The following CAPZB variants were observed in gnomAD, a reference collection of about 807,000 sequenced individuals.
CAPZB encodes F-actin-capping protein subunit beta.
A neutral mutation model predicts 38.1 loss-of-function variants in CAPZB; 2 were observed. The observed-to-expected ratio is 0.05, with a 90% confidence interval of 0.02 to 0.17. The LOEUF (loss-of-function observed/expected upper bound fraction) is 0.17, where lower values mean the gene tolerates loss of function less well. Ranked by LOEUF, CAPZB falls within the 10% of genes least tolerant of loss-of-function variation. The probability of loss-of-function intolerance (pLI) is 1.00; values close to 1 mark genes in which losing one functional copy is unlikely to be tolerated. For missense variants in CAPZB, 161 were observed against 334.2 expected (o/e 0.48, Z 4.04); for synonymous variants, 107 against 127.4 (o/e 0.84, Z 1.08).
At chr1:19,424,823 T>A (rs1471073132) in intron 1 of CAPZB, among the ~76,000 whole-genome samples, 1 of 152,198 alleles carries the variant, frequency 6.6e-6, no homozygotes, top group African/African-American at 2.4e-5. Context: ...AAGACCATCA[T>A]CCTGGATTTG....
rs1258923242 is a variant in CAPZB at position 19,485,483 on chromosome 1, T to TC, written c.-46dup. 6.9e-5 allele frequency: 84 copies of TC among 1,223,888 alleles called. No homozygotes were observed. Among genetic ancestry groups the TC allele is most frequent in the East Asian group, 3.8e-4 (12 of 31,274 alleles). 75.8% of individuals were successfully genotyped at this position (1,223,888 alleles called of 1,614,324 possible). A position where few individuals can be genotyped will look rare whatever the true frequency, so the allele number is the denominator to read the frequency against. ...GTCCCGGTCCCGGCGTCAGTGGCTC[T>TC]CCCCCCCGCAGCAGGGCCCGGCGCT... On this transcript the variant is annotated 5_prime_UTR_variant, in exon 1 of 9. Coordinates refer to ENST00000264202, the MANE Select transcript of CAPZB (RefSeq NM_004930.5).
chr1:19,338,954 G>T lies in CAPZB; in HGVS notation c.*576C>A. On this transcript the variant is annotated 3_prime_UTR_variant, in exon 9 of 9. Coordinates refer to ENST00000264202, the MANE Select transcript of CAPZB (RefSeq NM_004930.5). ...AGCACCTGGCCGGAAGAGCGGAACG[G>T]TCGGCGGCACCCCCCCCAGCCCCCA... 1 of 152,046 alleles carries T rather than the reference G, an allele frequency of 6.6e-6. No individual in the cohort carries two copies. Among genetic ancestry groups the T allele is most frequent in the African/African-American group, 2.4e-5 (1 of 41,320 alleles). The allele number at this position is 152,046 out of a possible 1,614,324, so 9.4% of individuals were successfully genotyped here. A position where few individuals can be genotyped will look rare whatever the true frequency, so the allele number is the denominator to read the frequency against.
At chr1:19,387,930 A>T (rs2094212515) in intron 2 of CAPZB, among the ~76,000 whole-genome samples, 1 of 152,112 alleles carries the variant, frequency 6.6e-6, no homozygotes, top group Non-Finnish European at 1.5e-5. Flanking sequence ...AGACAATATC[A>T]TCTGTCACCT....
chr1:19,435,698 C>T (rs1331071181), intron 1 of CAPZB, among the ~76,000 whole-genome samples: 5 of 152,234 alleles, frequency 3.3e-5, no homozygotes, highest in African/African-American at 7.2e-5. Context: ...AACTGAGGTA[C>T]GGAGAGAGTG....
rs547095212 is a variant in CAPZB, at chr1:19,414,152, C to T, written c.93+5509G>A. ...GTTCACTAAGGCTCGAATGTGGACA[C>T]GTCCCCCAAGCACTCAGCCTTCTCA... is the stretch of plus-strand genomic sequence containing the variant. On this transcript the variant is annotated intron_variant, in intron 2 of 8. Coordinates refer to ENST00000264202, the MANE Select transcript of CAPZB (RefSeq NM_004930.5). Among the ~76,000 whole-genome samples the T allele has an allele frequency of 7.9e-5, 12 of 152,224 alleles. No homozygotes were observed. The East Asian group carries it at 1.9e-3, about 24-fold the overall frequency.
At chr1:19,484,250 G>C (rs1410131370) in intron 1 of CAPZB, 3 of 1,612,552 alleles carry the variant, frequency 1.9e-6, no homozygotes, top group East Asian at 2.2e-5. Flanking sequence ...AGTTCAGAGG[G>C]AAGGGGAGGC....
intron 1 of CAPZB, among the ~76,000 whole-genome samples, chr1:19,422,821 C>T (rs2094406854): frequency 6.6e-6 from 1 of 151,716 alleles, no homozygotes; most frequent in African/African-American, 2.4e-5. Context: ...TAGATATTAG[C>T]AATCCTCCTT....
chr1:19,361,326 A>G lies in CAPZB; in HGVS notation c.330-3763T>C, dbSNP rs1186109911. On this transcript the variant is annotated intron_variant, in intron 4 of 8. Transcript: ENST00000264202. ...ACCTGGCCTCTGCAGGTACAGCTCA[A>G]ACACTACAATAATTCAAGAATGGAC... 2.0e-5 allele frequency among the ~76,000 whole-genome samples: 3 copies of G among 152,348 alleles called. No homozygotes were observed. In the East Asian group the frequency reaches 5.8e-4, roughly 29 times the overall value.
intron 2 of CAPZB, among the ~76,000 whole-genome samples, chr1:19,387,256 C>A (rs963709653): frequency 6.6e-6 from 1 of 152,220 alleles, no homozygotes; most frequent in Non-Finnish European, 1.5e-5. Flanking sequence ...AAAGTCCCTA[C>A]TCCTCCTACT....
chr1:19,439,778 C>T (rs2094469749), intron 1 of CAPZB, among the ~76,000 whole-genome samples: 1 of 152,260 alleles, frequency 6.6e-6, no homozygotes, highest in Non-Finnish European at 1.5e-5. Flanking sequence ...TCGGCTGTCC[C>T]CTGGGGTTCA....
At chr1:19,450,157 AAAAAAAAAAAAAG>A (rs2094510668) in intron 1 of CAPZB, among the ~76,000 whole-genome samples, 2 of 120,048 alleles carry the variant, frequency 1.7e-5, no homozygotes, top group Non-Finnish European at 3.6e-5. Flanking sequence ...AAAAAAAAAA[AAAAAAAAAAAAAG>A]AAAAGAAAAG....
Position 19,356,608 on chromosome 1 carries a change from C to A in CAPZB, c.588+27G>T. 3 of 1,493,468 alleles carry A rather than the reference C, an allele frequency of 2.0e-6. No individual in the cohort carries two copies. The highest frequency in any genetic ancestry group is 2.8e-6 in the Non-Finnish European group (3 of 1,069,774). The allele number at this position is 1,493,468 out of a possible 1,614,324, so 92.5% of individuals were successfully genotyped here. ...TGAGGCCAGCACCTGTGGGCACTGG[C>A]AAGTGGCTATGAGCGGGTAACTCTA... On this transcript the variant is annotated intron_variant, in intron 6 of 8. Transcript: ENST00000264202. The surrounding 1 kb of genome is among the most constrained non-coding windows in gnomAD (Gnocchi z 4.3).
At chr1:19,442,295 T>G (rs190063076) in intron 1 of CAPZB, among the ~76,000 whole-genome samples, 8 of 152,286 alleles carry the variant, frequency 5.3e-5, no homozygotes, top group Non-Finnish European at 7.3e-5. Context: ...AGACTGCTCA[T>G]GACAATTACA....
intron 1 of CAPZB, among the ~76,000 whole-genome samples, chr1:19,462,017 G>A (rs1340174096): frequency 2.0e-5 from 3 of 152,074 alleles, no homozygotes; most frequent in Admixed American, 6.6e-5. Flanking sequence ...GCACAAGAAG[G>A]GACCTGCAGT....
At chr1:19,438,217 C>T (rs2094464290) in intron 1 of CAPZB, among the ~76,000 whole-genome samples, 1 of 152,068 alleles carries the variant, frequency 6.6e-6, no homozygotes, top group Non-Finnish European at 1.5e-5. Flanking sequence ...GGCTGGAAAA[C>T]TAGGGAGTGC....
At chr1:19,402,409 A>G (rs1018514967) in intron 2 of CAPZB, among the ~76,000 whole-genome samples, 2 of 152,172 alleles carry the variant, frequency 1.3e-5, no homozygotes, top group African/African-American at 4.8e-5. Context: ...ATTGCAGGGA[A>G]CCTGCTGATC....
At chr1:19,370,142 G>A (rs1211260491) in intron 4 of CAPZB, among the ~76,000 whole-genome samples, 1 of 152,162 alleles carries the variant, frequency 6.6e-6, no homozygotes, top group East Asian at 1.9e-4. Flanking sequence ...TCTCCCCACT[G>A]CCCTGTCCTG....
At position 19,437,722 on chromosome 1, in the gene CAPZB, G is replaced by A. The variant is rs892159410; in HGVS notation, c.4-17972C>T. 3.9e-5 allele frequency among the ~76,000 whole-genome samples: 6 copies of A among 152,114 alleles called. No individual in the cohort carries two copies. The East Asian group carries it at 5.8e-4, about 15-fold the overall frequency. On this transcript the variant is annotated intron_variant, in intron 1 of 8. Coordinates refer to ENST00000264202, the MANE Select transcript of CAPZB (RefSeq NM_004930.5). ...TTGCTCCCGCCAGCCCAGGGAAACC[G>A]AATAAGCTGTTTACCAGGGACCCCA...
At chr1:19,440,908 C>A (rs10458385) in intron 1 of CAPZB, among the ~76,000 whole-genome samples, 149,742 of 152,168 alleles carry the variant, frequency 0.98, 73,719 homozygotes, top group East Asian at 1. Context: ...AAAATACAAA[C>A]AATTAGCCAG....
Sources: allele counts gnomAD v4.1 joint callset (sites outside exome capture counted in the v4.1 genomes callset), GRCh38; gene constraint gnomAD v4.1.1; non-coding constraint Gnocchi (gnomAD v3.1); transcripts MANE v1.5; gene names NCBI Gene and HGNC (gene_info 2026-07-23, HGNC 2026-07-21).